MTMR7: variants seen among roughly 807,000 people sequenced by gnomAD.
MTMR7 encodes the protein myotubularin related protein 7, also known as phosphatidylinositol-3-phosphate phosphatase MTMR7.
MTMR7 carries 76 observed loss-of-function variants against 81.2 expected under a neutral mutation model. The observed-to-expected ratio is 0.94, with a 90% CI of 0.78 to 1.13. MTMR7 has a LOEUF of 1.13. Ranked by LOEUF, MTMR7 falls within the 50% of genes most tolerant of loss-of-function variation. The probability of loss-of-function intolerance (pLI) is 0.00; values close to 1 mark genes in which losing one functional copy is unlikely to be tolerated. For synonymous variants in MTMR7, 372 were observed against 289.8 expected, an observed-to-expected ratio of 1.28 and a Z score of -2.88; for missense variants, 1,044 against 820.0, an observed-to-expected ratio of 1.27 and a Z score of -3.34.
chr8:17,327,075 A>C (rs943159029), intron 7 of MTMR7, among the ~76,000 whole-genome samples: 6 of 152,130 alleles, frequency 3.9e-5, no homozygotes, highest in Non-Finnish European at 7.4e-5. Context: ...TTACGACCTG[A>C]ATTTTTTGCT....
chr8:17,323,160 A>T (rs189343097), intron 7 of MTMR7, among the ~76,000 whole-genome samples: 57 of 151,700 alleles, frequency 3.8e-4, no homozygotes, highest in African/African-American at 1.3e-3. Flanking sequence ...GTCGGACAGC[A>T]GGTCTCAAAC....
intron 5 of MTMR7, among the ~76,000 whole-genome samples, chr8:17,342,436 G>C (rs183792710): frequency 1.1e-4 from 17 of 152,288 alleles, no homozygotes; most frequent in African/African-American, 3.9e-4. Flanking sequence ...ACTGCAAATA[G>C]TCCTGTCATG....
chr8:17,328,550 A>C (rs1262252741), intron 7 of MTMR7, among the ~76,000 whole-genome samples: 1 of 151,250 alleles, frequency 6.6e-6, no homozygotes, highest in Non-Finnish European at 1.5e-5. Flanking sequence ...GGAATAACAC[A>C]CATTGGGGCC....
In MTMR7 at chr8:17,413,341, T is replaced by A; in HGVS notation, c.-49A>T. 6.7e-7 allele frequency: 1 copy of A among 1,501,668 alleles called. No homozygotes were observed. Among genetic ancestry groups the A allele is most frequent in the Non-Finnish European group, 8.9e-7 (1 of 1,125,448 alleles). The allele number at this position is 1,501,668 out of a possible 1,614,324, so 93.0% of individuals were successfully genotyped here. ...CCGGGCGGGCGCGGCCTCACGCACC[T>A]GCGCGCCTCTGCGGCGCGATGGGAG... On this transcript the variant is annotated 5_prime_UTR_variant, in exon 1 of 14. Coordinates refer to ENST00000180173, the MANE Select transcript of MTMR7 (RefSeq NM_004686.5).
At chr8:17,323,138 G>A (rs530026673) in intron 7 of MTMR7, among the ~76,000 whole-genome samples, 2 of 151,644 alleles carry the variant, frequency 1.3e-5, no homozygotes, top group African/African-American at 2.4e-5. Context: ...AGTAGAGATG[G>A]GGTTTCACCA....
chr8:17,344,721 C>G (rs1819502153), intron 5 of MTMR7, among the ~76,000 whole-genome samples: 2 of 152,170 alleles, frequency 1.3e-5, no homozygotes, highest in Admixed American at 6.5e-5. Context: ...GTTTTCTCAT[C>G]TATAAAATGG....
chr8:17,361,425 G>C, intron 3 of MTMR7, 151 bp from the exon 4 acceptor site: 1 of 758,212 alleles, frequency 1.3e-6, no homozygotes, highest in Non-Finnish European at 2.1e-6. Flanking sequence ...GTGTGCAGTG[G>C]ATAGGGTCCC....
At chr8:17,388,386 C>G (rs958241791) in intron 1 of MTMR7, among the ~76,000 whole-genome samples, 1 of 152,106 alleles carries the variant, frequency 6.6e-6, no homozygotes, top group African/African-American at 2.4e-5. Flanking sequence ...TCAGTGAATA[C>G]ATGATGCTTT....
chr8:17,309,751 T>C (rs1817682728), intron 9 of MTMR7, among the ~76,000 whole-genome samples: 1 of 152,200 alleles, frequency 6.6e-6, no homozygotes, highest in African/African-American at 2.4e-5. Flanking sequence ...CTTCAAACCC[T>C]ATCTCAACCA....
chr8:17,335,855 T>C (rs982228529), intron 6 of MTMR7, among the ~76,000 whole-genome samples: 2 of 152,300 alleles, frequency 1.3e-5, no homozygotes, highest in East Asian at 1.9e-4. Flanking sequence ...AGAATTCCAG[T>C]CCCGTATGTG....
intron 9 of MTMR7, among the ~76,000 whole-genome samples, chr8:17,311,062 C>G (rs913219868): frequency 6.6e-6 from 1 of 152,280 alleles, no homozygotes; most frequent in Non-Finnish European, 1.5e-5. Flanking sequence ...TGAAGGACTA[C>G]TTAAAAAACA....
At chr8:17,354,032 T>A (rs1162660472) in intron 4 of MTMR7, among the ~76,000 whole-genome samples, 2 of 152,170 alleles carry the variant, frequency 1.3e-5, no homozygotes, top group African/African-American at 2.4e-5. Context: ...AGTAAATATA[T>A]TTATCACTGC....
chr8:17,408,672 T>A (rs1821662485), intron 1 of MTMR7, among the ~76,000 whole-genome samples: 1 of 152,056 alleles, frequency 6.6e-6, no homozygotes, highest in Non-Finnish European at 1.5e-5. Context: ...GGTACCAAAC[T>A]GACAGGAACA....
chr8:17,298,580 T>C lies in MTMR7; in HGVS notation c.*1282A>G, dbSNP rs1816894411. 1 of 152,398 alleles carries C rather than the reference T, an allele frequency of 6.6e-6. No individual in the cohort carries two copies. Among genetic ancestry groups the C allele is most frequent in the African/African-American group, 2.4e-5 (1 of 41,292 alleles). 9.4% of individuals were successfully genotyped at this position (152,398 alleles called of 1,614,324 possible). A position where few individuals can be genotyped will look rare whatever the true frequency, so the allele number is the denominator to read the frequency against. On this transcript the variant is annotated 3_prime_UTR_variant, in exon 14 of 14. Transcript: ENST00000180173. The stretch of plus-strand genomic sequence containing the variant: ...CAGATATTCAAAATATTGATGTAAA[T>C]TGTAAAGTTTAAATTAATCCTTTCA...
Position 17,349,082 on chromosome 8 carries a change from C to A in MTMR7, c.469-1G>T. 1.2e-6 allele frequency: 2 copies of A among 1,610,994 alleles called. No individual in the cohort carries two copies. Among genetic ancestry groups the A allele is most frequent in the South Asian group, 1.1e-5 (1 of 90,770 alleles). Reference sequence around the variant, plus strand: ...GTTCAGTAGGATAAGAGTCACAGACCTGTCACCAGAAAATACAAAGAGATT... The same window carrying A: ...GTTCAGTAGGATAAGAGTCACAGACATGTCACCAGAAAATACAAAGAGATT... On this transcript the variant is annotated splice_acceptor_variant, in intron 4 of 13. Transcript: ENST00000180173. LOFTEE classifies it high-confidence loss of function.
intron 1 of MTMR7, among the ~76,000 whole-genome samples, chr8:17,387,039 G>C (rs541496873): frequency 2.0e-5 from 3 of 152,040 alleles, no homozygotes; most frequent in Non-Finnish European, 4.4e-5. Context: ...GCTGCTAACC[G>C]GGCCTTCCAC....
chr8:17,304,876 C>T (rs910440794), intron 11 of MTMR7, among the ~76,000 whole-genome samples: 1 of 152,002 alleles, frequency 6.6e-6, no homozygotes, highest in Non-Finnish European at 1.5e-5. Flanking sequence ...TTAATCCTCA[C>T]TGAGTTGCTG....
chr8:17,327,384 C>G (rs1818739922), intron 7 of MTMR7, among the ~76,000 whole-genome samples: 1 of 152,212 alleles, frequency 6.6e-6, no homozygotes, highest in African/African-American at 2.4e-5. Flanking sequence ...GATCCTCCCA[C>G]ATCAGCTTCC....
chr8:17,388,591 G>T (rs942125144), intron 1 of MTMR7, among the ~76,000 whole-genome samples: 1 of 152,212 alleles, frequency 6.6e-6, no homozygotes, highest in Non-Finnish European at 1.5e-5. Context: ...TTCTGAATTT[G>T]ACCTATTTTT....
Sources: allele counts gnomAD v4.1 joint callset (sites outside exome capture counted in the v4.1 genomes callset), GRCh38; gene constraint gnomAD v4.1.1; transcripts MANE v1.5; gene names NCBI Gene and HGNC (gene_info 2026-07-23, HGNC 2026-07-21).